The following MAP7 variants were observed in gnomAD, a reference collection of about 807,000 sequenced individuals.
The protein encoded by MAP7 is microtubule associated protein 7, also known as ensconsin.
MAP7 carries 52 observed loss-of-function variants against 94.8 expected under a neutral mutation model. That is an observed-to-expected ratio of 0.55 (90% CI 0.44 to 0.69). The LOEUF (loss-of-function observed/expected upper bound fraction) is 0.69, where lower values mean the gene tolerates loss of function less well. Among genes scored for constraint, MAP7 ranks in the 30% least tolerant of loss-of-function variants. The pLI is 0.00. For missense variants in MAP7, 940 were observed against 964.6 expected, an observed-to-expected ratio of 0.97 and a Z score of 0.34; for synonymous variants, 350 against 357.0, an observed-to-expected ratio of 0.98 and a Z score of 0.22.
At chr6:136,436,475 G>A (rs928022684) in intron 1 of MAP7, among the ~76,000 whole-genome samples, 1 of 151,918 alleles carries the variant, frequency 6.6e-6, no homozygotes, top group Non-Finnish European at 1.5e-5. Context: ...GAACTCCTGG[G>A]CTCAAGTGAT....
chr6:136,492,439 C>A (rs1816904611), intron 1 of MAP7, among the ~76,000 whole-genome samples: 1 of 152,156 alleles, frequency 6.6e-6, no homozygotes, highest in Admixed American at 6.5e-5. Flanking sequence ...AAAAGGAAAA[C>A]TTTCTTTCAA....
chr6:136,383,843 C>A, intron 5 of MAP7, 62 bp from the exon 6 acceptor site: 1 of 980,406 alleles, frequency 1.0e-6, no homozygotes, highest in South Asian at 1.4e-5. Context: ...TTTCCTAGTT[C>A]ACTGATGGAA....
chr6:136,415,665 C>A (rs1361655538), intron 2 of MAP7, among the ~76,000 whole-genome samples: 2 of 152,168 alleles, frequency 1.3e-5, no homozygotes, highest in Non-Finnish European at 2.9e-5. Context: ...TCTATGCTAT[C>A]ATTTCATATG....
chr6:136,442,719 G>C lies in MAP7; in HGVS notation c.68-20920C>G, dbSNP rs1388612548. Among the ~76,000 whole-genome samples, 5 of 152,238 alleles carry C rather than the reference G, an allele frequency of 3.3e-5. No homozygotes were observed. The East Asian group carries it at 7.7e-4, about 24-fold the overall frequency. ...TGATTTTTCACATTTTTCATTGCTT[G>C]GCAAAACACGAAAGTTCTGGGTTCC... On this transcript the variant is annotated intron_variant, in intron 1 of 17. Coordinates refer to ENST00000354570, the MANE Select transcript of MAP7 (RefSeq NM_003980.6).
intron 1 of MAP7, among the ~76,000 whole-genome samples, chr6:136,529,269 C>T (rs990877814): frequency 7.2e-6 from 1 of 138,268 alleles, no homozygotes; most frequent in African/African-American, 3.3e-5. Flanking sequence ...CATCTGCCAC[C>T]ACACCCAGCT....
At chr6:136,436,554 AT>A (rs886723685) in intron 1 of MAP7, among the ~76,000 whole-genome samples, 1 of 151,952 alleles carries the variant, frequency 6.6e-6, no homozygotes, top group Non-Finnish European at 1.5e-5. Flanking sequence ...TGATATTTTT[AT>A]TTTTTGTAGA....
At chr6:136,520,733 G>A (rs1826163327) in intron 1 of MAP7, among the ~76,000 whole-genome samples, 1 of 152,210 alleles carries the variant, frequency 6.6e-6, no homozygotes, top group Non-Finnish European at 1.5e-5. Context: ...TGATTCTACA[G>A]AGTAAGTCAG....
At chr6:136,444,652 T>C (rs966898066) in intron 1 of MAP7, among the ~76,000 whole-genome samples, 8 of 152,194 alleles carry the variant, frequency 5.3e-5, no homozygotes, top group Non-Finnish European at 7.3e-5. Context: ...GGATAAGCTG[T>C]AAACAAGCCC....
At chr6:136,393,685 G>GAGTGC (rs1781435781) in intron 3 of MAP7, among the ~76,000 whole-genome samples, 1 of 151,998 alleles carries the variant, frequency 6.6e-6, no homozygotes, top group African/African-American at 2.4e-5. Context: ...ACCTCGGCTG[G>GAGTGC]AGTGCAGTGG....
chr6:136,356,825 G>A, intron 15 of MAP7, 31 bp from the exon 16 acceptor site: 1 of 1,549,986 alleles, frequency 6.5e-7, no homozygotes, highest in Non-Finnish European at 8.9e-7. Context: ...AGAACACAGG[G>A]TTACTAATAT....
At chr6:136,419,177 T>TC (rs1344453262) in intron 2 of MAP7, among the ~76,000 whole-genome samples, 8 of 152,352 alleles carry the variant, frequency 5.3e-5, no homozygotes, top group African/African-American at 1.9e-4. Flanking sequence ...TATTGGTTTA[T>TC]CCATCATACT....
intron 1 of MAP7, among the ~76,000 whole-genome samples, chr6:136,521,963 G>T (rs1055090827): frequency 9.9e-5 from 15 of 152,140 alleles, no homozygotes; most frequent in African/African-American, 3.6e-4. Context: ...CCACTTCTGT[G>T]AGCAGAAACC....
At chr6:136,422,021 C>A (rs1026317373) in intron 1 of MAP7, among the ~76,000 whole-genome samples, 3 of 152,196 alleles carry the variant, frequency 2.0e-5, no homozygotes, top group Non-Finnish European at 1.5e-5. Flanking sequence ...ATAGAAGTGG[C>A]ATGTTCAAGG....
At chr6:136,504,012 A>C (rs1443699081) in intron 1 of MAP7, among the ~76,000 whole-genome samples, 1 of 152,246 alleles carries the variant, frequency 6.6e-6, no homozygotes, top group Non-Finnish European at 1.5e-5. Flanking sequence ...AAACTGCAGT[A>C]AAGTCACACT....
chr6:136,546,240 T>C (rs974158057), intron 1 of MAP7, among the ~76,000 whole-genome samples: 5 of 152,072 alleles, frequency 3.3e-5, no homozygotes, highest in African/African-American at 9.7e-5. Context: ...CTCAAACTCC[T>C]GGCCTCATGT....
At chr6:136,453,779 T>A (rs1399191721) in intron 1 of MAP7, among the ~76,000 whole-genome samples, 1 of 152,226 alleles carries the variant, frequency 6.6e-6, no homozygotes, top group Admixed American at 6.5e-5. Flanking sequence ...ACTGTTATAA[T>A]TTGGTAAAAT....
rs570286759 is a variant in MAP7, at chr6:136,474,849, G to A, written c.68-53050C>T. The stretch of plus-strand genomic sequence containing the variant: ...TCCCACCTCAGCCTCCCAAGTAGCC[G>A]GGACCACGGGTGCACACCATTATGC... On this transcript the variant is annotated intron_variant, in intron 1 of 17. Coordinates refer to ENST00000354570, the MANE Select transcript of MAP7 (RefSeq NM_003980.6). Among the ~76,000 whole-genome samples the A allele has an allele frequency of 1.4e-4, 22 of 151,892 alleles. No individual in the cohort carries two copies. In the South Asian group the frequency reaches 3.5e-3, roughly 24 times the overall value.
chr6:136,436,482 T>A (rs866673824), intron 1 of MAP7, among the ~76,000 whole-genome samples: 26 of 152,004 alleles, frequency 1.7e-4, no homozygotes, highest in Admixed American at 3.3e-4. Flanking sequence ...TGGGCTCAAG[T>A]GATCCTTCTG....
At chr6:136,445,691 C>T (rs1040935744) in intron 1 of MAP7, among the ~76,000 whole-genome samples, 2 of 152,160 alleles carry the variant, frequency 1.3e-5, no homozygotes, top group Non-Finnish European at 2.9e-5. Flanking sequence ...AGATCTTGAA[C>T]TTGTTGTCAC....
Sources: allele counts gnomAD v4.1 joint callset (sites outside exome capture counted in the v4.1 genomes callset), GRCh38; gene constraint gnomAD v4.1.1; transcripts MANE v1.5; gene names NCBI Gene and HGNC (gene_info 2026-07-23, HGNC 2026-07-21).